Variants in TRAPPC8 observed in about 807,000 individuals in gnomAD.
TRAPPC8 encodes trafficking protein particle complex subunit 8.
A neutral mutation model predicts 174.3 loss-of-function variants in TRAPPC8; 54 were observed. The observed-to-expected ratio is 0.31, with a 90% CI of 0.25 to 0.39. The LOEUF is 0.39. Ranked by LOEUF, TRAPPC8 falls within the 10% of genes least tolerant of loss-of-function variation. TRAPPC8 has a pLI of 1.00. For synonymous variants in TRAPPC8, 630 were observed against 579.9 expected (o/e 1.09, Z -1.24); for missense variants, 1,531 against 1,699.1 (o/e 0.90, Z 1.74).
At chr18:31,858,042 A>G (rs2034124866) in intron 19 of TRAPPC8, 60 bp from the exon 20 acceptor site, 21 of 1,423,046 alleles carry the variant, frequency 1.5e-5, no homozygotes, top group Non-Finnish European at 1.8e-5. Context: ...CCTCTAATGA[A>G]TAACACTTTA....
At chr18:31,879,051 A>G (rs868556908) in intron 12 of TRAPPC8, among the ~76,000 whole-genome samples, 34 of 152,240 alleles carry the variant, frequency 2.2e-4, no homozygotes, top group Admixed American at 1.6e-3. Context: ...CCCCACTGAC[A>G]ACACTAGACA....
intron 2 of TRAPPC8, among the ~76,000 whole-genome samples, chr18:31,920,923 G>A (rs984687133): frequency 5.9e-5 from 8 of 135,988 alleles, no homozygotes; most frequent in African/African-American, 1.9e-4. Flanking sequence ...CCTGGGCAAC[G>A]TGTTAGAGCG....
At chr18:31,909,576 TCCC>T in intron 6 of TRAPPC8, 88 bp downstream of exon 6, 4 of 1,479,842 alleles carry the variant, frequency 2.7e-6, no homozygotes, top group Middle Eastern at 3.6e-4. Context: ...ATGAAAAATT[TCCC>T]CCATCTTTTA....
intron 12 of TRAPPC8, among the ~76,000 whole-genome samples, chr18:31,876,385 G>GA (rs2145236179): frequency 6.7e-6 from 1 of 149,890 alleles, no homozygotes; most frequent in African/African-American, 2.5e-5. Flanking sequence ...AGCTACTCAG[G>GA]AGGCTGAGGC....
intron 27 of TRAPPC8, among the ~76,000 whole-genome samples, chr18:31,836,813 C>G (rs1786764): frequency 0.68 from 99,266 of 145,884 alleles, 34,848 homozygotes; most frequent in African/African-American, 0.85. Flanking sequence ...CCAGGCTGGA[C>G]TGCAGTGGCA....
chr18:31,918,753 GTA>G (rs1325086336), intron 2 of TRAPPC8, among the ~76,000 whole-genome samples: 1 of 152,106 alleles, frequency 6.6e-6, no homozygotes, highest in Non-Finnish European at 1.5e-5. Flanking sequence ...TTGTATAAAT[GTA>G]TATAATGTGA....
At chr18:31,934,495 G>GAGAA (rs1331135984) in intron 1 of TRAPPC8, among the ~76,000 whole-genome samples, 3 of 152,094 alleles carry the variant, frequency 2.0e-5, no homozygotes, top group Non-Finnish European at 2.9e-5. Context: ...TTATGCAGCA[G>GAGAA]AGAAACAAAC....
At chr18:31,933,771 C>T (rs942717150) in intron 1 of TRAPPC8, among the ~76,000 whole-genome samples, 2 of 151,616 alleles carry the variant, frequency 1.3e-5, no homozygotes, top group Non-Finnish European at 2.9e-5. Flanking sequence ...TTCTACATTT[C>T]CTATGTGTTC....
chr18:31,855,565 T>C (rs1400866459), intron 21 of TRAPPC8, 95 bp downstream of exon 21: 9 of 1,034,280 alleles, frequency 8.7e-6, no homozygotes, highest in South Asian at 6.8e-5. Flanking sequence ...CCCTAGCTTA[T>C]GCTGTCTTGT....
intron 25 of TRAPPC8, among the ~76,000 whole-genome samples, chr18:31,848,374 T>C (rs2145030183): frequency 6.6e-6 from 1 of 152,260 alleles, no homozygotes; most frequent in South Asian, 2.1e-4. Flanking sequence ...CACAAAACCT[T>C]GTCTCAGAAA....
At position 31,898,738 on chromosome 18, in the gene TRAPPC8, A is replaced by G. The variant is rs537793952; in HGVS notation, c.1491-847T>C. 1.2e-4 allele frequency among the ~76,000 whole-genome samples: 18 copies of G among 152,342 alleles called. No individual in the cohort carries two copies. In the South Asian group the frequency reaches 3.7e-3, roughly 32 times the overall value. On this transcript the variant is annotated intron_variant, in intron 10 of 28. Coordinates refer to ENST00000283351, the MANE Select transcript of TRAPPC8 (RefSeq NM_014939.5). ...TAATCAGTTGATTTTGTGGACTACT[A>G]CATCAGTAATCTAGAATTAGATTAT...
chr18:31,870,857 A>G, intron 15 of TRAPPC8, 69 bp downstream of exon 15: 1 of 1,336,436 alleles, frequency 7.5e-7, no homozygotes, highest in East Asian at 2.6e-5. Flanking sequence ...TGTGCCAAAC[A>G]ATAAATTATC....
chr18:31,942,698 G>A lies in TRAPPC8; in HGVS notation c.67C>T (p.Leu23=). ...PDSFVPCVAA[L]CSDEAERLTR... is the part of the protein sequence containing the mutation. ...AGCCGCTCGGCTTCGTCGCTGCACAGCGCAGCGACACAGGGGACGAAGGAG... is the reference window on the plus strand; with the variant it reads ...AGCCGCTCGGCTTCGTCGCTGCACAACGCAGCGACACAGGGGACGAAGGAG... The change falls in exon 1 of 29, where the codon CTG becomes TTG. Residue 23 remains leucine, a synonymous_variant. Transcript: ENST00000283351. The A allele has an allele frequency of 6.2e-7, 1 of 1,608,066 alleles. No individual in the cohort carries two copies. The highest frequency in any genetic ancestry group is 1.1e-5 in the South Asian group (1 of 90,142).
chr18:31,835,623 C>G (rs1012791493), intron 27 of TRAPPC8, among the ~76,000 whole-genome samples: 1 of 152,226 alleles, frequency 6.6e-6, no homozygotes, highest in African/African-American at 2.4e-5. Context: ...ATTATACTCT[C>G]TCATCTGTTT....
At chr18:31,852,832 G>A in intron 22 of TRAPPC8, 169 bp from the exon 23 acceptor site, 1 of 615,122 alleles carries the variant, frequency 1.6e-6, no homozygotes. Flanking sequence ...CTCTTAAAAA[G>A]GATAAATTTC....
At chr18:31,847,366 T>C (rs2033463426) in intron 25 of TRAPPC8, among the ~76,000 whole-genome samples, 2 of 152,226 alleles carry the variant, frequency 1.3e-5, no homozygotes, top group Admixed American at 1.3e-4. Context: ...AGTTTATAAC[T>C]CTTCTCTCTC....
chr18:31,894,288 A>G (rs2036094114), intron 11 of TRAPPC8, among the ~76,000 whole-genome samples: 1 of 152,240 alleles, frequency 6.6e-6, no homozygotes, highest in African/African-American at 2.4e-5. Context: ...GAGGAGGAAA[A>G]TTGCCCTGAA....
chr18:31,942,462 G>C, intron 1 of TRAPPC8, 146 bp downstream of exon 1: 1 of 1,096,230 alleles, frequency 9.1e-7, no homozygotes, highest in Non-Finnish European at 1.2e-6. Context: ...AGCCGCCCCC[G>C]GAGCACCGCG....
intron 14 of TRAPPC8, among the ~76,000 whole-genome samples, chr18:31,871,556 T>A (rs537929920): frequency 6.6e-6 from 1 of 151,702 alleles, no homozygotes; most frequent in South Asian, 2.1e-4. Flanking sequence ...TCGCCCCCAC[T>A]GGCATCACTT....
Sources: allele counts gnomAD v4.1 joint callset (sites outside exome capture counted in the v4.1 genomes callset), GRCh38; gene constraint gnomAD v4.1.1; transcripts MANE v1.5; gene names NCBI Gene and HGNC (gene_info 2026-07-23, HGNC 2026-07-21).